The following COA8 variants were observed in gnomAD, a reference collection of about 807,000 sequenced individuals.
COA8 encodes UPF0671 protein C14orf153.
In COA8, 20 loss-of-function variants were observed where a neutral mutation model predicts 22.0. The observed-to-expected ratio is 0.91, with a 90% CI of 0.64 to 1.32. COA8 has a LOEUF of 1.32. Among genes scored for constraint, COA8 ranks in the 40% most tolerant of loss-of-function variants. COA8 has a pLI of 0.00. For missense variants in COA8, 266 were observed against 230.0 expected, an observed-to-expected ratio of 1.16 and a Z score of -1.01; for synonymous variants, 105 against 79.9, an observed-to-expected ratio of 1.31 and a Z score of -1.68.
At chr14:103,587,209 T>G in intron 3 of COA8, 65 bp from the exon 4 acceptor site, 1 of 1,331,712 alleles carries the variant, frequency 7.5e-7, no homozygotes, top group South Asian at 1.3e-5. Context: ...ATTTATTAGC[T>G]CTAATAGTTT....
Position 103,587,267 on chromosome 14 carries a change from C to CT in COA8, c.386-4dup. On this transcript the variant is annotated splice_polypyrimidine_tract_variant and splice_region_variant and intron_variant, in intron 3 of 4. Transcript: ENST00000409074. ...GTCTTAATGTTTAAGCTGAAATTAC[C>CT]TTTCAGGTCAGAAAGCAACATTGAA... 6.2e-7 allele frequency: 1 copy of CT among 1,607,924 alleles called. No homozygotes were observed. Among genetic ancestry groups the CT allele is most frequent in the African/African-American group, 1.3e-5 (1 of 74,706 alleles).
chr14:103,575,645 G>A (rs75203427), intron 3 of COA8, among the ~76,000 whole-genome samples: 3,021 of 152,244 alleles, frequency 0.02, 99 homozygotes, highest in African/African-American at 0.066. Context: ...ATTTAGATTC[G>A]TTCTCTCTGC....
At chr14:103,589,572 G>A (rs2076334914) in intron 4 of COA8, among the ~76,000 whole-genome samples, 1 of 152,034 alleles carries the variant, frequency 6.6e-6, no homozygotes, top group South Asian at 2.1e-4. Flanking sequence ...TTGTGCCACT[G>A]TACTCCAGCC....
rs2076340637 is a variant in COA8 at position 103,590,228 on chromosome 14, T to C, written c.524T>C (p.Val175Ala). ...NFAITFFMGK[V>A]ALERIWNKLK... ...GCCATCACCTTCTTCATGGGAAAAG[T>C]GGCCCTGGAAAGGATTTGGAACAAG... The change falls in exon 5 of 5, where the codon GTG becomes GCG. Residue 175 changes from valine (V) to alanine (A), a missense_variant. Physicochemically the swap from Val to Ala is moderately conservative, Grantham distance 64. Coordinates refer to ENST00000409074, the MANE Select transcript of COA8 (RefSeq NM_001370595.2). The C allele has an allele frequency of 6.2e-7, 1 of 1,613,984 alleles. No individual in the cohort carries two copies. The highest frequency in any genetic ancestry group is 1.7e-5 in the Admixed American group (1 of 59,980).
Position 103,581,686 on chromosome 14 carries a change from G to A in COA8, c.386-5588G>A. The stretch of plus-strand genomic sequence containing the variant: ...AGTAAACCGAGGCACAGAAGAAAAT[G>A]AAGTAGCCCCAGATGACGTAGGAAA... On this transcript the variant is annotated intron_variant, in intron 3 of 4. Coordinates refer to ENST00000409074, the MANE Select transcript of COA8 (RefSeq NM_001370595.2). The surrounding 1 kb of genome is among the most constrained non-coding windows in gnomAD (Gnocchi z 4.1). The A allele has an allele frequency of 2.5e-6, 1 of 398,730 alleles. No homozygotes were observed. Among genetic ancestry groups the A allele is most frequent in the Non-Finnish European group, 4.4e-6 (1 of 226,154 alleles). 24.7% of individuals were successfully genotyped at this position (398,730 alleles called of 1,614,324 possible).
chr14:103,573,111 T>C (rs1420548903), intron 2 of COA8, among the ~76,000 whole-genome samples: 1 of 151,926 alleles, frequency 6.6e-6, no homozygotes, highest in East Asian at 1.9e-4. Context: ...AGGATACTTA[T>C]AAATAAACTG....
chr14:103,568,008 T>C (rs569340659), intron 1 of COA8, among the ~76,000 whole-genome samples: 12 of 152,146 alleles, frequency 7.9e-5, no homozygotes, highest in Non-Finnish European at 1.6e-4. Context: ...TTGTCTAGCA[T>C]CCATGTAGAA....
chr14:103,574,315 C>G, intron 3 of COA8, 145 bp downstream of exon 3: 2 of 1,090,316 alleles, frequency 1.8e-6, no homozygotes, highest in Non-Finnish European at 2.8e-6. Context: ...ACACCCCTGT[C>G]CAAGTTCTCT....
At chr14:103,566,579 T>G (rs1302064004) in intron 1 of COA8, among the ~76,000 whole-genome samples, 1 of 152,264 alleles carries the variant, frequency 6.6e-6, no homozygotes, top group African/African-American at 2.4e-5. Context: ...AGGTTCTTCA[T>G]GAGGTGCCAG....
At chr14:103,573,710 A>G (rs923867442) in intron 2 of COA8, among the ~76,000 whole-genome samples, 3 of 151,638 alleles carry the variant, frequency 2.0e-5, no homozygotes, top group South Asian at 4.2e-4. Flanking sequence ...CCACCATCAC[A>G]TTGGGCTAAT....
In COA8 at chr14:103,563,046, C is replaced by T. The variant is rs762675324; in HGVS notation, c.45C>T (p.Leu15=). Residue 15 remains leucine, a synonymous_variant, in exon 1 of 5, where the codon CTC becomes CTT. Transcript: ENST00000409074. The part of the protein sequence containing the change: ...RAGKKTFLPP[L]CRAFACRGCQ... ...GGAAGAAGACCTTTCTCCCCCCTCT[C>T]TGCCGCGCCTTCGCCTGCCGCGGCT... 2 of 1,541,954 alleles carry T rather than the reference C, an allele frequency of 1.3e-6. No homozygotes were observed. Among genetic ancestry groups the T allele is most frequent in the East Asian group, 2.4e-5 (1 of 41,614 alleles).
intron 4 of COA8, chr14:103,588,321 T>A: frequency 5.1e-6 from 2 of 392,896 alleles, no homozygotes; most frequent in Non-Finnish European, 8.9e-6. Context: ...TCAAGACCAG[T>A]CTGGGCAACA....
intron 1 of COA8, among the ~76,000 whole-genome samples, chr14:103,569,680 G>A (rs1219702005): frequency 6.6e-6 from 1 of 152,230 alleles, no homozygotes; most frequent in Admixed American, 6.5e-5. Flanking sequence ...GTCTAGGGGG[G>A]TGGACCGTGG....
At position 103,590,331 on chromosome 14, in the gene COA8, A is replaced by G. The variant is rs752293040; in HGVS notation, c.*45A>G. 1 of 1,523,912 alleles carries G rather than the reference A, an allele frequency of 6.6e-7. No individual in the cohort carries two copies. The highest frequency in any genetic ancestry group is 2.3e-5 in the East Asian group (1 of 44,320). 94.4% of individuals were successfully genotyped at this position (1,523,912 alleles called of 1,614,324 possible). On this transcript the variant is annotated 3_prime_UTR_variant, in exon 5 of 5. Transcript: ENST00000409074. Reference sequence around the variant, plus strand: ...CAGAGTCCAGGTTTCCACAGGAAGCAGATGGAGCTCCTTTCACAGGGGCTC... The same window carrying G: ...CAGAGTCCAGGTTTCCACAGGAAGCGGATGGAGCTCCTTTCACAGGGGCTC...
chr14:103,582,398 T>C (rs2076274486), intron 3 of COA8, among the ~76,000 whole-genome samples: 1 of 152,214 alleles, frequency 6.6e-6, no homozygotes, highest in Admixed American at 6.5e-5. Flanking sequence ...TGGGTGAGCC[T>C]GAGCGTGGCC....
chr14:103,573,997 A>T, intron 2 of COA8, 110 bp from the exon 3 acceptor site: 2 of 1,332,672 alleles, frequency 1.5e-6, no homozygotes, highest in Non-Finnish European at 2.0e-6. Flanking sequence ...CAGAAAATCC[A>T]CATCTAAACT....
At chr14:103,574,469 C>A in intron 3 of COA8, 1 of 562,762 alleles carries the variant, frequency 1.8e-6, no homozygotes, top group Non-Finnish European at 3.4e-6. Flanking sequence ...CCCTCCAAAG[C>A]AGCTTTTCTT....
Position 103,571,679 on chromosome 14 carries a change from TA to T in COA8, c.183del (p.Lys61AsnfsTer26). 6.2e-7 allele frequency: 1 copy of T among 1,614,232 alleles called. No homozygotes were observed. The highest frequency in any genetic ancestry group is 8.5e-7 in the Non-Finnish European group (1 of 1,180,036). Reference sequence around the variant, plus strand: ...GCCATGATTGGATAGGACCCCCAGATAAATATTCAAACCTTCGACCTGTTCA... The same window carrying T: ...GCCATGATTGGATAGGACCCCCAGATAATATTCAAACCTTCGACCTGTTCA... ...SCHDWIGPPDKYSNLRPVHFY... is the reference protein window; with the variant it reads ...SCHDWIGPPDXYSNLRPVHFY... On this transcript the variant is annotated frameshift_variant, in exon 2 of 5. Coordinates refer to ENST00000409074, the MANE Select transcript of COA8 (RefSeq NM_001370595.2). LOFTEE classifies it high-confidence loss of function.
intron 3 of COA8, among the ~76,000 whole-genome samples, chr14:103,575,128 G>A (rs969396619): frequency 2.0e-5 from 3 of 152,228 alleles, no homozygotes; most frequent in Admixed American, 6.5e-5. Flanking sequence ...GTATGCGTGC[G>A]TGTGTACGCA....
Sources: gnomAD v4.1 joint callset for allele counts (sites outside exome capture counted in the v4.1 genomes callset) on GRCh38, gnomAD v4.1.1 for gene constraint, Gnocchi (gnomAD v3.1) non-coding constraint, MANE v1.5 for transcripts, NCBI Gene and HGNC (gene_info 2026-07-23, HGNC 2026-07-21) for gene names.